The following POM121C variants were observed in gnomAD, a reference collection of about 807,000 sequenced individuals.
The protein encoded by POM121C is POM121 transmembrane nucleoporin C, also known as nuclear envelope pore membrane protein POM 121C.
In POM121C, 20 loss-of-function variants were observed where a neutral mutation model predicts 66.4. The ratio of observed to expected loss-of-function variants is 0.30; its 90% CI spans 0.21 to 0.44. The LOEUF (loss-of-function observed/expected upper bound fraction) is 0.44. Among genes scored for constraint, POM121C ranks in the 20% least tolerant of loss-of-function variants. POM121C has a pLI of 1.00. For synonymous variants in POM121C, 286 were observed against 528.0 expected (o/e 0.54, Z 6.28); for missense variants, 580 against 1,225.7 (o/e 0.47, Z 7.87).
rs868969614 is a variant in POM121C, at chr7:75,435,794, A to C, written c.480+1721T>G. The stretch of plus-strand genomic sequence containing the variant: ...GCCAGGCATGGTGGCTCACACCTGT[A>C]ATCCCAGCACTTTGGGAGGCCAAGG... On this transcript the variant is annotated intron_variant, in intron 7 of 14. Transcript: ENST00000615331. 4.6e-5 allele frequency among the ~76,000 whole-genome samples: 7 copies of C among 152,244 alleles called. No homozygotes were observed. In the South Asian group the frequency reaches 1.4e-3, roughly 31 times the overall value.
intron 13 of POM121C, chr7:75,420,866 T>C (rs1554470504): frequency 6.4e-6 from 1 of 156,438 alleles, no homozygotes; most frequent in African/African-American, 2.4e-5. Context: ...CTTGTCTTTG[T>C]TCTGCTCTTC....
At position 75,456,609 on chromosome 7, in the gene POM121C, T is replaced by C. The variant is rs587647581; in HGVS notation, c.-151-14962A>G. Among the ~76,000 whole-genome samples, 12 of 152,340 alleles carry C rather than the reference T, an allele frequency of 7.9e-5. No individual in the cohort carries two copies. The East Asian group carries it at 1.4e-3, about 17-fold the overall frequency. ...GTGCAGGCTCTTTAGCAAGGTGCTTTGGGCTGGAAATGGGGTTTTACTGCC... is the reference window on the plus strand; with the variant it reads ...GTGCAGGCTCTTTAGCAAGGTGCTTCGGGCTGGAAATGGGGTTTTACTGCC... On this transcript the variant is annotated intron_variant, in intron 3 of 14. Coordinates refer to ENST00000615331, the MANE Select transcript of POM121C (RefSeq NM_001099415.3).
At chr7:75,471,878 A>C (rs1791892882) in intron 3 of POM121C, among the ~76,000 whole-genome samples, 1 of 152,054 alleles carries the variant, frequency 6.6e-6, no homozygotes. Context: ...TAAGATGGTA[A>C]ATTGTATGTT....
At chr7:75,442,176 G>A (rs1327736554) in intron 3 of POM121C, 5 of 1,308,022 alleles carry the variant, frequency 3.8e-6, no homozygotes, top group African/African-American at 1.6e-5. Context: ...GGTCGGAGAA[G>A]AGGAGTGGGG....
intron 7 of POM121C, among the ~76,000 whole-genome samples, chr7:75,430,748 T>C (rs1200846635): frequency 1.3e-5 from 2 of 152,060 alleles, no homozygotes; most frequent in African/African-American, 4.8e-5. Context: ...ATAAAAAGCA[T>C]ATTCAAATCT....
intron 1 of POM121C, among the ~76,000 whole-genome samples, chr7:75,483,818 T>A (rs1472278185): frequency 6.6e-6 from 1 of 151,948 alleles, no homozygotes; most frequent in Admixed American, 6.6e-5. Flanking sequence ...GTATGAATCC[T>A]GGCTGGGCTC....
intron 3 of POM121C, among the ~76,000 whole-genome samples, chr7:75,474,402 A>G (rs372709958): frequency 4.3e-4 from 65 of 152,284 alleles, no homozygotes; most frequent in African/African-American, 1.5e-3. Context: ...TCCAAAAACC[A>G]AACAAAAAAA....
At chr7:75,428,352 A>C (rs1790041406) in intron 7 of POM121C, among the ~76,000 whole-genome samples, 1 of 152,128 alleles carries the variant, frequency 6.6e-6, no homozygotes, top group Non-Finnish European at 1.5e-5. Flanking sequence ...GTTGGCCAGG[A>C]TGGTCTTGAT....
At chr7:75,440,427 G>A (rs1554473758) in intron 5 of POM121C, among the ~76,000 whole-genome samples, 1 of 151,676 alleles carries the variant, frequency 6.6e-6, no homozygotes, top group Non-Finnish European at 1.5e-5. Context: ...AATTAGCTGG[G>A]CATGGTGGCG....
intron 1 of POM121C, among the ~76,000 whole-genome samples, chr7:75,476,864 T>C (rs1477925163): frequency 1.3e-5 from 2 of 152,044 alleles, no homozygotes; most frequent in African/African-American, 2.4e-5. Flanking sequence ...AATCTATTAA[T>C]ATGATAAGCC....
intron 1 of POM121C, among the ~76,000 whole-genome samples, chr7:75,475,550 G>A (rs1259406620): frequency 1.3e-5 from 2 of 150,410 alleles, no homozygotes; most frequent in African/African-American, 2.4e-5. Context: ...TTGCTGCCAG[G>A]CCCTCCCCTT....
chr7:75,471,974 C>T (rs1224728321), intron 3 of POM121C, among the ~76,000 whole-genome samples: 1 of 152,010 alleles, frequency 6.6e-6, no homozygotes. Context: ...CAAGCTCTGC[C>T]TCCCGGGTTC....
chr7:75,462,733 C>T (rs587647499), intron 3 of POM121C, among the ~76,000 whole-genome samples: 6 of 151,804 alleles, frequency 4.0e-5, no homozygotes. Context: ...AGAGGGTATT[C>T]CTTGAAAACA....
chr7:75,454,838 A>G (rs1791148903), intron 3 of POM121C, among the ~76,000 whole-genome samples: 1 of 152,206 alleles, frequency 6.6e-6, no homozygotes, highest in Non-Finnish European at 1.5e-5. Flanking sequence ...CTCCACAGGG[A>G]AAGAGTGAAG....
rs782495998 is a variant in POM121C at position 75,422,155 on chromosome 7, C to G, written c.2097G>C (p.Pro699=). Reference sequence around the variant, plus strand: ...CAAATGCGGGCTGGGGGTTGGCTCCCGGATATGATGGGAGCGGGGACTTGG... The same window carrying G: ...CAAATGCGGGCTGGGGGTTGGCTCCGGGATATGATGGGAGCGGGGACTTGG... ...SSAKSPLPSY[P]GANPQPAFGA... is the part of the protein sequence containing the mutation. The change falls in exon 13 of 15, where the codon CCG becomes CCC. Residue 699 remains proline, a synonymous_variant. Coordinates refer to ENST00000615331, the MANE Select transcript of POM121C (RefSeq NM_001099415.3). 7.5e-6 allele frequency: 12 copies of G among 1,601,652 alleles called. No homozygotes were observed. The highest frequency in any genetic ancestry group is 8.5e-6 in the Non-Finnish European group (10 of 1,172,834).
At chr7:75,449,971 G>A (rs1790966457) in intron 3 of POM121C, among the ~76,000 whole-genome samples, 1 of 152,094 alleles carries the variant, frequency 6.6e-6, no homozygotes, top group Non-Finnish European at 1.5e-5. Flanking sequence ...CCGAGATCGT[G>A]CCACTGCACT....
chr7:75,453,576 C>T (rs1295855069), intron 3 of POM121C, among the ~76,000 whole-genome samples: 2 of 145,486 alleles, frequency 1.4e-5, no homozygotes, highest in African/African-American at 5.1e-5. Context: ...GAGCAAAACT[C>T]GGACTCAAAA....
intron 3 of POM121C, among the ~76,000 whole-genome samples, chr7:75,453,745 CCA>C (rs1238185735): frequency 6.6e-6 from 1 of 151,864 alleles, no homozygotes; most frequent in Non-Finnish European, 1.5e-5. Context: ...TGTCTCTGGT[CCA>C]CACGACATGT....
intron 3 of POM121C, among the ~76,000 whole-genome samples, chr7:75,452,476 T>C (rs1791053604): frequency 6.6e-6 from 1 of 152,166 alleles, no homozygotes; most frequent in South Asian, 2.1e-4. Flanking sequence ...ACAGTGCATG[T>C]TGGCTAGTTT....
Sources: gnomAD v4.1 joint callset for allele counts (sites outside exome capture counted in the v4.1 genomes callset) on GRCh38, gnomAD v4.1.1 for gene constraint, MANE v1.5 for transcripts, NCBI Gene and HGNC (gene_info 2026-07-23, HGNC 2026-07-21) for gene names.